The following CTNNA2 variants were observed in gnomAD, a reference collection of about 807,000 sequenced individuals.
The protein encoded by CTNNA2 is catenin alpha 2, also known as catenin alpha-2.
A neutral mutation model predicts 101.0 loss-of-function variants in CTNNA2; 42 were observed. The observed-to-expected ratio is 0.42, with a 90% CI of 0.32 to 0.54. The LOEUF (loss-of-function observed/expected upper bound fraction) is 0.54. Among genes scored for constraint, CTNNA2 ranks in the 20% least tolerant of loss-of-function variants. CTNNA2 has a pLI of 0.14. For missense variants in CTNNA2, 871 were observed against 1,223.1 expected (o/e 0.71, Z 4.29); for synonymous variants, 450 against 456.4 (o/e 0.99, Z 0.18).
At chr2:80,291,121 C>T (rs1024451743) in intron 7 of CTNNA2, among the ~76,000 whole-genome samples, 4 of 152,308 alleles carry the variant, frequency 2.6e-5, no homozygotes, top group African/African-American at 7.2e-5. Flanking sequence ...TAGTTGCAAA[C>T]GAGAATGTTC....
At chr2:80,088,648 G>A (rs1699592214) in intron 7 of CTNNA2, among the ~76,000 whole-genome samples, 1 of 151,872 alleles carries the variant, frequency 6.6e-6, no homozygotes, top group Non-Finnish European at 1.5e-5. Context: ...TATTATTTTG[G>A]TTTTGTTTTA....
intron 1 of CTNNA2, among the ~76,000 whole-genome samples, chr2:79,519,500 A>G (rs1171239106): frequency 6.6e-6 from 1 of 152,144 alleles, no homozygotes; most frequent in Non-Finnish European, 1.5e-5. Context: ...AATAAGCCTC[A>G]AACTCTCCAA....
intron 1 of CTNNA2, among the ~76,000 whole-genome samples, chr2:79,606,322 A>C (rs1677886241): frequency 6.6e-6 from 1 of 152,062 alleles, no homozygotes; most frequent in African/African-American, 2.4e-5. Context: ...GGCTGGAGTG[A>C]AGTGGCGCAA....
At chr2:80,453,765 T>G (rs2149460790) in intron 9 of CTNNA2, among the ~76,000 whole-genome samples, 1 of 152,264 alleles carries the variant, frequency 6.6e-6, no homozygotes, top group Middle Eastern at 3.4e-3. Context: ...TCAGAATGAT[T>G]TTGTCCTTTG....
At chr2:79,332,564 A>G (rs1018815913) in intron 3 of CTNNA2, among the ~76,000 whole-genome samples, 2 of 152,218 alleles carry the variant, frequency 1.3e-5, no homozygotes, top group African/African-American at 4.8e-5. Context: ...GTTTTCTTCT[A>G]AGGTGCACTT....
intron 7 of CTNNA2, among the ~76,000 whole-genome samples, chr2:80,091,225 A>G (rs1642160406): frequency 6.6e-6 from 1 of 152,102 alleles, no homozygotes; most frequent in Non-Finnish European, 1.5e-5. Flanking sequence ...GTCAGTGAAT[A>G]AGCACTTTTG....
chr2:79,803,374 A>T (rs944161102), intron 3 of CTNNA2, among the ~76,000 whole-genome samples: 1 of 152,238 alleles, frequency 6.6e-6, no homozygotes, highest in Non-Finnish European at 1.5e-5. Context: ...ATTTACCCAC[A>T]TATTTATTAA....
chr2:79,398,759 A>G (rs965505420), intron 4 of CTNNA2, among the ~76,000 whole-genome samples: 1 of 152,070 alleles, frequency 6.6e-6, no homozygotes, highest in African/African-American at 2.4e-5. Flanking sequence ...TTGGCCCCAA[A>G]AAAACCTCAA....
At position 80,189,042 on chromosome 2, in the gene CTNNA2, C is replaced by A. The variant is rs553127379; in HGVS notation, c.1057-204169C>A. Among the ~76,000 whole-genome samples, 334 of 145,524 alleles carry A rather than the reference C, an allele frequency of 2.3e-3. 3 individuals carry two copies. The highest frequency in any genetic ancestry group is 7.7e-3 in the African/African-American group (307 of 39,668). On this transcript the variant is annotated intron_variant, in intron 7 of 18. Transcript: ENST00000402739. ...ATCTCAGCTCACTGCAACCTCCCAT[C>A]TCCAGGTTTAAGCACTTCTCCTGCC...
At chr2:79,253,619 G>C (rs1398289471) in intron 2 of CTNNA2, among the ~76,000 whole-genome samples, 1 of 150,114 alleles carries the variant, frequency 6.7e-6, no homozygotes, top group Non-Finnish European at 1.5e-5. Context: ...TTGCCCAAGG[G>C]GCTTATTCTG....
rs72925490 is a variant in CTNNA2, at chr2:79,711,328, T to G, written c.103-33059T>G. On this transcript the variant is annotated intron_variant, in intron 2 of 18. Transcript: ENST00000402739. ...TGCCTCATCTCTTCTGCTATTACTT[T>G]GCTTGGATTCCAGATATGCTGGAGG... Among the ~76,000 whole-genome samples the G allele has an allele frequency of 9.4e-3, 1,430 of 152,270 alleles. 33 individuals carry two copies. Among genetic ancestry groups the G allele is most frequent in the African/African-American group, 0.032 (1,336 of 41,554 alleles).
At chr2:80,528,356 C>T (rs1334865330) in intron 9 of CTNNA2, among the ~76,000 whole-genome samples, 5 of 152,084 alleles carry the variant, frequency 3.3e-5, no homozygotes, top group Admixed American at 6.6e-5. Context: ...ACCACCATGC[C>T]TGGCTAATTT....
intron 3 of CTNNA2, among the ~76,000 whole-genome samples, chr2:79,796,481 A>C (rs563413518): frequency 6.6e-6 from 1 of 152,314 alleles, no homozygotes; most frequent in East Asian, 1.9e-4. Context: ...AATAGAAACA[A>C]AAACACATAA....
intron 3 of CTNNA2, among the ~76,000 whole-genome samples, chr2:79,762,238 C>T (rs1183386494): frequency 2.6e-5 from 4 of 152,112 alleles, no homozygotes; most frequent in Non-Finnish European, 5.9e-5. Flanking sequence ...TGTTGGATTT[C>T]GATTAGTCAA....
chr2:79,296,345 CAA>C (rs1675979312), intron 2 of CTNNA2, among the ~76,000 whole-genome samples: 1 of 152,110 alleles, frequency 6.6e-6, no homozygotes, highest in Non-Finnish European at 1.5e-5. Context: ...GCAAACTTTT[CAA>C]AGAGTTTTTG....
chr2:80,111,791 G>C (rs1464248725), intron 7 of CTNNA2, among the ~76,000 whole-genome samples: 2 of 152,114 alleles, frequency 1.3e-5, no homozygotes, highest in Non-Finnish European at 2.9e-5. Flanking sequence ...GCCTCCCAAA[G>C]TACTAGGATT....
intron 7 of CTNNA2, among the ~76,000 whole-genome samples, chr2:79,931,828 C>T (rs1161963870): frequency 6.6e-6 from 1 of 152,134 alleles, no homozygotes; most frequent in Non-Finnish European, 1.5e-5. Flanking sequence ...TAATGCTATA[C>T]AAGGCTCCTA....
chr2:79,351,492 T>C (rs1454731496), intron 3 of CTNNA2, among the ~76,000 whole-genome samples: 1 of 152,172 alleles, frequency 6.6e-6, no homozygotes, highest in African/African-American at 2.4e-5. Context: ...CATAGGTATA[T>C]TACATGATGC....
chr2:80,505,376 A>G lies in CTNNA2; in HGVS notation c.1291-39606A>G, dbSNP rs146912390. ...GCAAGTAACTTGGAGCGAGTAACTA[A>G]CGTACATTGTGTCAAGATCTTATCT... On this transcript the variant is annotated intron_variant, in intron 9 of 18. Coordinates refer to ENST00000402739, the MANE Select transcript of CTNNA2 (RefSeq NM_001282597.3). Among the ~76,000 whole-genome samples, 463 of 152,078 alleles carry G rather than the reference A, an allele frequency of 3.0e-3. 3 individuals are homozygous for G. The highest frequency in any genetic ancestry group is 0.01 in the African/African-American group (429 of 41,322).
Sources: gnomAD v4.1 joint callset for allele counts (sites outside exome capture counted in the v4.1 genomes callset) on GRCh38, gnomAD v4.1.1 for gene constraint, MANE v1.5 for transcripts, NCBI Gene and HGNC (gene_info 2026-07-23, HGNC 2026-07-21) for gene names.